Variants in UBE3B observed in about 807,000 individuals in gnomAD.
UBE3B encodes the protein ubiquitin-protein ligase E3B.
In UBE3B, 80 loss-of-function variants were observed where a neutral mutation model predicts 132.3. The observed-to-expected ratio is 0.60, with a 90% confidence interval of 0.50 to 0.73. UBE3B has a LOEUF of 0.73. Among genes scored for constraint, UBE3B ranks in the 30% least tolerant of loss-of-function variants. UBE3B has a pLI of 0.00. For synonymous variants in UBE3B, 487 were observed against 520.4 expected (o/e 0.94, Z 0.87); for missense variants, 1,196 against 1,362.5 (o/e 0.88, Z 1.92).
chr12:109,478,869 C>T (rs1338476825), intron 1 of UBE3B, among the ~76,000 whole-genome samples: 1 of 152,202 alleles, frequency 6.6e-6, no homozygotes, highest in Non-Finnish European at 1.5e-5. Context: ...CACCGTCTGC[C>T]CAGAACAAGT....
At position 109,521,291 on chromosome 12, in the gene UBE3B, G is replaced by C; in HGVS notation, c.2220G>C (p.Lys740Asn). The C allele has an allele frequency of 6.2e-7, 1 of 1,614,234 alleles. No individual in the cohort carries two copies. Residue 740 changes from lysine (K) to asparagine (N), a missense_variant, in exon 20 of 28, where the codon AAG (lysine) becomes AAC (asparagine). Transcript: ENST00000342494. The surrounding 1 kb of genome is among the most constrained non-coding windows in gnomAD (Gnocchi z 4.2). ...AGGAGTTCTTGGAAGAGATCATCAA[G>C]AGAGTTTTTGACCCAGCACTCAATC... Reference protein sequence around the residue: ...VFKEFLEEIIKRVFDPALNLF... With the variant: ...VFKEFLEEIINRVFDPALNLF...
intron 6 of UBE3B, among the ~76,000 whole-genome samples, chr12:109,488,061 G>A (rs1169071798): frequency 6.6e-6 from 1 of 152,208 alleles, no homozygotes. Context: ...TGCATCATAC[G>A]CATTAATCCA....
intron 6 of UBE3B, among the ~76,000 whole-genome samples, 162 bp from the exon 7 acceptor site, chr12:109,488,410 C>T (rs1049529254): frequency 5.3e-5 from 8 of 152,132 alleles, no homozygotes; most frequent in African/African-American, 1.9e-4. Context: ...TTATTTAACT[C>T]CTGGAGTGGT....
Position 109,509,642 on chromosome 12 carries a change from C to A in UBE3B, c.1669C>A (p.Leu557Met), listed in dbSNP as rs748948510. Reference sequence around the variant, plus strand: ...TTATGAAGAACAGATTTCATTCAAACTGGAAGAGCTGGTCACTATCTCCTC... The same window carrying A: ...TTATGAAGAACAGATTTCATTCAAAATGGAAGAGCTGGTCACTATCTCCTC... ...EVYEEQISFK[L>M]EELVTISSFL... The change falls in exon 16 of 28, where the codon CTG (leucine) becomes ATG (methionine). Residue 557 changes from leucine (L) to methionine (M), a missense_variant. Coordinates refer to ENST00000342494, the MANE Select transcript of UBE3B (RefSeq NM_130466.4). 3 of 1,610,974 alleles carry A rather than the reference C, an allele frequency of 1.9e-6. No homozygotes were observed. In the African/African-American group the frequency reaches 4.0e-5, roughly 22 times the overall value.
At chr12:109,526,104 C>T (rs1285033151) in intron 23 of UBE3B, among the ~76,000 whole-genome samples, 2 of 152,236 alleles carry the variant, frequency 1.3e-5, no homozygotes, top group Non-Finnish European at 2.9e-5. Flanking sequence ...ACATTCCCCT[C>T]CATGACATCC....
At chr12:109,532,955 G>A (rs970042890) in intron 26 of UBE3B, among the ~76,000 whole-genome samples, 10 of 152,216 alleles carry the variant, frequency 6.6e-5, no homozygotes, top group Non-Finnish European at 1.2e-4. Flanking sequence ...ATAAGGAGCC[G>A]GCAGGATGCC....
At chr12:109,517,934 CT>C (rs902002127) in intron 19 of UBE3B, 7 of 446,270 alleles carry the variant, frequency 1.6e-5, no homozygotes, top group African/African-American at 1.2e-4. Flanking sequence ...TTGAGTGCCC[CT>C]GGCCACTGGT....
At chr12:109,483,796 G>A (rs1188932165) in intron 3 of UBE3B, 65 bp from the exon 4 acceptor site, 2 of 1,588,914 alleles carry the variant, frequency 1.3e-6, no homozygotes, top group Non-Finnish European at 1.7e-6. Context: ...TAAAGTGCTT[G>A]AAAAGCCTTC....
chr12:109,498,293 C>G lies in UBE3B; in HGVS notation c.880C>G (p.Gln294Glu). 6.2e-7 allele frequency: 1 copy of G among 1,614,056 alleles called. No individual in the cohort carries two copies. The highest frequency in any genetic ancestry group is 8.5e-7 in the Non-Finnish European group (1 of 1,180,000). Residue 294 changes from glutamine (Q) to glutamate (E), a missense_variant, in exon 11 of 28, where the codon CAA becomes GAA. By Grantham distance (29) the Gln-to-Glu change is conservative. Coordinates refer to ENST00000342494, the MANE Select transcript of UBE3B (RefSeq NM_130466.4). Reference protein sequence around the residue: ...LRKFIIFLRDQDRCRDVCESL... With the variant: ...LRKFIIFLRDEDRCRDVCESL... ...TAAATTCATCATATTTTTAAGAGAC[C>G]AAGATCGATGCCGTGATGTATGTGA...
intron 12 of UBE3B, 104 bp downstream of exon 12, chr12:109,499,914 AAAT>A (rs1180619114): frequency 3.8e-6 from 4 of 1,059,520 alleles, no homozygotes; most frequent in Non-Finnish European, 5.0e-6. Flanking sequence ...CTTATTATAA[AAAT>A]AATATGTATT....
rs1285073346 is a variant in UBE3B at position 109,536,402 on chromosome 12, A to G, written c.*1620A>G. 6.6e-6 allele frequency: 1 copy of G among 152,214 alleles called. No individual in the cohort carries two copies. The highest frequency in any genetic ancestry group is 1.9e-4 in the East Asian group (1 of 5,202). 9.4% of individuals were successfully genotyped at this position (152,214 alleles called of 1,614,324 possible). On this transcript the variant is annotated 3_prime_UTR_variant, in exon 28 of 28. Coordinates refer to ENST00000342494, the MANE Select transcript of UBE3B (RefSeq NM_130466.4). ...GCACAGGGAAGATGGATCCCATCCTAATTTTTATCACCTGAAGGTTGGAAC... is the reference window on the plus strand; with the variant it reads ...GCACAGGGAAGATGGATCCCATCCTGATTTTTATCACCTGAAGGTTGGAAC...
Position 109,488,577 on chromosome 12 carries a change from A to C in UBE3B, c.453A>C (p.Glu151Asp). Residue 151 changes from glutamate (E) to aspartate (D), a missense_variant, in exon 7 of 28, where the codon GAA becomes GAC. Physicochemically the swap from Glu to Asp is conservative, Grantham distance 45. Coordinates refer to ENST00000342494, the MANE Select transcript of UBE3B (RefSeq NM_130466.4). ...GCTGTGTTTATTGTTTCCAGCCTGA[A>C]ATCCTGCAGGACTCCCGACTCATCA... ...CCDFLKQLKP[E>D]ILQDSRLITL... 6.2e-7 allele frequency: 1 copy of C among 1,613,996 alleles called. No homozygotes were observed. The highest frequency in any genetic ancestry group is 8.5e-7 in the Non-Finnish European group (1 of 1,179,880).
chr12:109,510,730 G>A (rs1277948934), intron 17 of UBE3B, among the ~76,000 whole-genome samples: 1 of 152,204 alleles, frequency 6.6e-6, no homozygotes, highest in Non-Finnish European at 1.5e-5. Context: ...CTAGGAAGAG[G>A]TCTTTTAGCT....
rs1320936520 is a variant in UBE3B at position 109,534,713 on chromosome 12, C to T, written c.3138C>T (p.Ser1046=). 3 of 1,607,702 alleles carry T rather than the reference C, an allele frequency of 1.9e-6. No individual in the cohort carries two copies. The highest frequency in any genetic ancestry group is 1.7e-4 in the Middle Eastern group (1 of 6,018). The part of the protein sequence containing the change: ...CFNLLKLPNY[S]KKSVLREKLR... ...ACCTGCTCAAGCTGCCCAACTACAG[C>T]AAGAAGAGCGTCCTCCGCGAGAAGC... The change falls in exon 28 of 28, where the codon AGC becomes AGT. Residue 1046 remains serine (S), a synonymous_variant. Transcript: ENST00000342494. The surrounding 1 kb of genome is among the most constrained non-coding windows in gnomAD (Gnocchi z 5.2).
intron 5 of UBE3B, 29 bp from the exon 6 acceptor site, chr12:109,486,442 C>A: frequency 6.5e-7 from 1 of 1,543,742 alleles, no homozygotes; most frequent in Non-Finnish European, 8.9e-7. Flanking sequence ...TATAACAGCC[C>A]ATGACATTCC....
Position 109,506,322 on chromosome 12 carries a change from A to G in UBE3B, c.1451-1242A>G, listed in dbSNP as rs138013698. On this transcript the variant is annotated intron_variant, in intron 14 of 27. Coordinates refer to ENST00000342494, the MANE Select transcript of UBE3B (RefSeq NM_130466.4). ...TTTTTGTCAATAAATTTTTACTAGA[A>G]CAGACCCAAATCTGTTTTGTTTTTG... 8.5e-5 allele frequency among the ~76,000 whole-genome samples: 13 copies of G among 152,238 alleles called. No individual in the cohort carries two copies. The East Asian group carries it at 2.1e-3, about 25-fold the overall frequency.
intron 4 of UBE3B, among the ~76,000 whole-genome samples, chr12:109,485,628 A>G (rs551566899): frequency 1.3e-5 from 2 of 152,344 alleles, no homozygotes; most frequent in Admixed American, 6.5e-5. Flanking sequence ...GTGAGGCAAA[A>G]GTCAGTATCC....
chr12:109,483,439 A>C, intron 2 of UBE3B, 92 bp from the exon 3 acceptor site: 1 of 1,356,062 alleles, frequency 7.4e-7, no homozygotes, highest in Non-Finnish European at 9.8e-7. Flanking sequence ...TCTGCTGCCC[A>C]GGTCCCTGCC....
At position 109,486,001 on chromosome 12, in the gene UBE3B, T is replaced by A; in HGVS notation, c.283-11T>A. On this transcript the variant is annotated splice_polypyrimidine_tract_variant and intron_variant, in intron 4 of 27. Transcript: ENST00000342494. ...GTGGGAATGTATAACCCCCAGTGTG[T>A]CTCTTTGCAGAGATTTGAGAAGTTG... is the stretch of plus-strand genomic sequence containing the variant. 1 of 1,552,978 alleles carries A rather than the reference T, an allele frequency of 6.4e-7. No individual in the cohort carries two copies.
Sources: gnomAD v4.1 joint callset for allele counts (sites outside exome capture counted in the v4.1 genomes callset) on GRCh38, gnomAD v4.1.1 for gene constraint, Gnocchi (gnomAD v3.1) non-coding constraint, MANE v1.5 for transcripts, NCBI Gene and HGNC (gene_info 2026-07-23, HGNC 2026-07-21) for gene names.